Variants in MFSD11 observed in about 807,000 individuals in gnomAD.
The protein encoded by MFSD11 is UNC93-like protein MFSD11.
In MFSD11, 36 loss-of-function variants were observed where a neutral mutation model predicts 53.5. The observed-to-expected ratio is 0.67, with a 90% CI of 0.52 to 0.89. MFSD11 has a LOEUF of 0.89. MFSD11 is among the 40% of genes least tolerant of loss of function. The probability of loss-of-function intolerance (pLI) is 0.00; values close to 1 mark genes in which losing one functional copy is unlikely to be tolerated. For synonymous variants in MFSD11, 186 were observed against 184.9 expected (o/e 1.01, Z -0.05); for missense variants, 530 against 543.9 (o/e 0.97, Z 0.25).
At chr17:76,783,164 AAAAG>A (rs2082213066), downstream of MFSD11, among the ~76,000 whole-genome samples, 1 of 151,960 alleles carries the variant, frequency 6.6e-6, no homozygotes, top group South Asian at 2.1e-4. Context: ...AAAAAAAAAA[AAAAG>A]AAATGTGACA....
upstream of MFSD11, chr17:76,736,696 C>A: frequency 7.7e-7 from 1 of 1,295,640 alleles, no homozygotes; most frequent in Non-Finnish European, 9.9e-7. Flanking sequence ...ACCCCCGCCC[C>A]GTCCGGGCCC....
intron 7 of MFSD11, among the ~76,000 whole-genome samples, chr17:76,746,742 C>T (rs1016606629): frequency 2.4e-4 from 37 of 152,164 alleles, no homozygotes; most frequent in African/African-American, 8.5e-4. Flanking sequence ...TTTAAGCCCA[C>T]TGTTGAGACC....
upstream of MFSD11, chr17:76,736,779 G>A: frequency 1.4e-6 from 2 of 1,427,358 alleles, no homozygotes; most frequent in South Asian, 1.5e-5. Flanking sequence ...GCCTCCCGCG[G>A]TCCCCTCAGC....
the MFSD11 span, among the ~76,000 whole-genome samples, chr17:76,790,723 C>T: frequency 6.8e-6 from 1 of 147,350 alleles, no homozygotes; most frequent in Non-Finnish European, 1.5e-5. Context: ...TTTGGGATCA[C>T]GAGGTCAAGA....
chr17:76,764,538 G>A (rs1442392338), intron 8 of MFSD11, among the ~76,000 whole-genome samples: 2 of 152,126 alleles, frequency 1.3e-5, no homozygotes, highest in Non-Finnish European at 2.9e-5. Flanking sequence ...TTCACTTAGC[G>A]TAATGCTCTT....
chr17:76,750,657 A>G (rs2078979814), intron 7 of MFSD11, among the ~76,000 whole-genome samples: 2 of 151,836 alleles, frequency 1.3e-5, no homozygotes, highest in Admixed American at 1.3e-4. Flanking sequence ...CGCCTGGCCG[A>G]GCTTTAGAAA....
At chr17:76,768,985 CAAAAA>C (rs769093548) in intron 9 of MFSD11, among the ~76,000 whole-genome samples, 1 of 83,108 alleles carries the variant, frequency 1.2e-5, no homozygotes, top group African/African-American at 3.8e-5. Flanking sequence ...GACTCTCTCT[CAAAAA>C]AAAAAAAAAA....
At chr17:76,769,452 C>A in intron 9 of MFSD11, 2 of 245,678 alleles carry the variant, frequency 8.1e-6, no homozygotes. Context: ...GGGCTCCACC[C>A]TCATGGCCTA....
the MFSD11 span, among the ~76,000 whole-genome samples, chr17:76,798,314 A>G: frequency 6.6e-6 from 1 of 152,152 alleles, no homozygotes; most frequent in African/African-American, 2.4e-5. Flanking sequence ...CCGTCCAGGG[A>G]TGCCACCCTC....
chr17:76,777,779 C>A (rs1339983069), intron 12 of MFSD11, among the ~76,000 whole-genome samples: 1 of 152,110 alleles, frequency 6.6e-6, no homozygotes, highest in Non-Finnish European at 1.5e-5. Flanking sequence ...GTAATACAGA[C>A]AAGTGTATTT....
chr17:76,792,439 TTTTC>T, the MFSD11 span, among the ~76,000 whole-genome samples: 6 of 146,696 alleles, frequency 4.1e-5, no homozygotes, highest in Middle Eastern at 3.4e-3. Flanking sequence ...TTTATTTTTC[TTTTC>T]TTTCTTTTTT....
intron 11 of MFSD11, among the ~76,000 whole-genome samples, chr17:76,775,553 G>A (rs2081748770): frequency 6.6e-6 from 1 of 152,164 alleles, no homozygotes; most frequent in East Asian, 1.9e-4. Context: ...TTCCAGAGCA[G>A]TTTATATAAC....
rs549543310 is a variant in MFSD11, at chr17:76,760,784, G to A, written c.683-6602G>A. Among the ~76,000 whole-genome samples, 121 of 152,130 alleles carry A rather than the reference G, an allele frequency of 8.0e-4. No homozygotes were observed. The South Asian group carries it at 0.012, about 16-fold the overall frequency. The stretch of plus-strand genomic sequence containing the variant: ...GACCTCAGGTGATCTGTTCACCTTC[G>A]CCTCCCAAAGTTCTGGGTTATAGGC... On this transcript the variant is annotated intron_variant, in intron 8 of 12. Transcript: ENST00000685175.
downstream of MFSD11, among the ~76,000 whole-genome samples, chr17:76,782,770 C>T (rs1337814793): frequency 1.3e-5 from 2 of 151,898 alleles, no homozygotes; most frequent in African/African-American, 2.4e-5. Context: ...GAGCCCACCA[C>T]GCGGGGCTGC....
chr17:76,792,455 TTTTTCCGGGCTCTC>T, the MFSD11 span, among the ~76,000 whole-genome samples: 1 of 150,974 alleles, frequency 6.6e-6, no homozygotes, highest in Non-Finnish European at 1.5e-5. Context: ...TTCTTTTTTT[TTTTTCCGGGCTCTC>T]TTTAAAGCAT....
chr17:76,746,860 C>T (rs935981033), intron 7 of MFSD11, among the ~76,000 whole-genome samples: 2 of 152,100 alleles, frequency 1.3e-5, no homozygotes, highest in Non-Finnish European at 2.9e-5. Context: ...ATGTTGTTTT[C>T]ATGCCTTCTA....
chr17:76,752,531 C>G (rs562574979), intron 7 of MFSD11, among the ~76,000 whole-genome samples: 1 of 151,924 alleles, frequency 6.6e-6, no homozygotes, highest in Non-Finnish European at 1.5e-5. Context: ...GGGTGCACCA[C>G]CACACCCTGC....
intron 7 of MFSD11, 145 bp from the exon 8 acceptor site, chr17:76,753,902 G>A: frequency 1.6e-6 from 1 of 619,828 alleles, no homozygotes; most frequent in Non-Finnish European, 2.8e-6. Context: ...GACACCCTGA[G>A]GCAAGGAGCA....
chr17:76,745,761 C>T (rs985134381), intron 7 of MFSD11, among the ~76,000 whole-genome samples: 1 of 152,076 alleles, frequency 6.6e-6, no homozygotes, highest in Admixed American at 6.6e-5. Flanking sequence ...ACAATAGCCT[C>T]TATGTGTTAA....
Sources: allele counts gnomAD v4.1 joint callset (sites outside exome capture counted in the v4.1 genomes callset), GRCh38; gene constraint gnomAD v4.1.1; transcripts MANE v1.5; gene names NCBI Gene and HGNC (gene_info 2026-07-23, HGNC 2026-07-21).